ACER3: variants seen among roughly 807,000 people sequenced by gnomAD.
ACER3 encodes the protein alkaline ceramidase 3.
ACER3 carries 16 observed loss-of-function variants against 48.9 expected under a neutral mutation model. The observed-to-expected ratio is 0.33, with a 90% CI of 0.22 to 0.50. The LOEUF is 0.50. ACER3 is among the 20% of genes least tolerant of loss of function. The pLI is 0.98. For missense variants in ACER3, 227 were observed against 326.0 expected, an observed-to-expected ratio of 0.70 and a Z score of 2.34; for synonymous variants, 109 against 107.8, an observed-to-expected ratio of 1.01 and a Z score of -0.07.
At chr11:76,988,783 A>T (rs1356583150) in intron 5 of ACER3, among the ~76,000 whole-genome samples, 1 of 152,346 alleles carries the variant, frequency 6.6e-6, no homozygotes, top group East Asian at 1.9e-4. Context: ...AAGAGAATCA[A>T]GTCTAGAGAT....
At chr11:76,924,110 G>A (rs995449839) in intron 1 of ACER3, among the ~76,000 whole-genome samples, 2 of 151,982 alleles carry the variant, frequency 1.3e-5, no homozygotes, top group African/African-American at 4.8e-5. Context: ...CTTATGCTGT[G>A]GCTTGAGTAC....
intron 7 of ACER3, among the ~76,000 whole-genome samples, chr11:77,008,928 T>C (rs1379672742): frequency 6.6e-6 from 1 of 152,090 alleles, no homozygotes; most frequent in African/African-American, 2.4e-5. Flanking sequence ...GGTGTGGTGA[T>C]GCATGCCTAT....
intron 7 of ACER3, among the ~76,000 whole-genome samples, chr11:77,010,994 T>C (rs1435021188): frequency 1.3e-5 from 2 of 152,116 alleles, no homozygotes; most frequent in African/African-American, 4.8e-5. Flanking sequence ...TTCGCCAAAA[T>C]GAGAGTACTA....
At chr11:76,935,803 G>A (rs914242084) in intron 2 of ACER3, among the ~76,000 whole-genome samples, 3 of 152,148 alleles carry the variant, frequency 2.0e-5, no homozygotes, top group African/African-American at 4.8e-5. Context: ...TAAATAAAAT[G>A]TAAAATTCAG....
chr11:76,934,564 A>T (rs571401191), intron 2 of ACER3, among the ~76,000 whole-genome samples: 108 of 152,390 alleles, frequency 7.1e-4, no homozygotes, highest in African/African-American at 2.4e-3. Flanking sequence ...GTGCGCCTGC[A>T]ATCGCAGGCA....
intron 1 of ACER3, among the ~76,000 whole-genome samples, chr11:76,911,514 T>C (rs759542132): frequency 5.9e-5 from 9 of 152,210 alleles, no homozygotes; most frequent in Non-Finnish European, 1.2e-4. Context: ...ACCTCCTGTC[T>C]TGTTCCGTGA....
intron 7 of ACER3, among the ~76,000 whole-genome samples, chr11:76,999,951 T>G (rs1441634165): frequency 1.3e-5 from 2 of 152,180 alleles, no homozygotes; most frequent in Admixed American, 6.5e-5. Context: ...AACACAAGTT[T>G]TCACTTCTCC....
intron 8 of ACER3, among the ~76,000 whole-genome samples, chr11:77,015,472 T>C (rs10793230): frequency 0.71 from 108,376 of 152,062 alleles, 39,006 homozygotes; most frequent in Non-Finnish European, 0.77. Context: ...TGTATATAAA[T>C]ATACACTTTC....
chr11:76,886,077 T>C (rs1945664075), intron 1 of ACER3, among the ~76,000 whole-genome samples: 1 of 152,210 alleles, frequency 6.6e-6, no homozygotes. Context: ...AACTAGGTAA[T>C]ATAATAGAGA....
chr11:77,020,675 G>T lies in ACER3; in HGVS notation c.*348G>T, dbSNP rs1372074265. 7 of 209,700 alleles carry T rather than the reference G, an allele frequency of 3.3e-5. No individual in the cohort carries two copies. The East Asian group carries it at 8.9e-4, about 27-fold the overall frequency. The allele number at this position is 209,700 out of a possible 1,614,324, so 13.0% of individuals were successfully genotyped here. A position where few individuals can be genotyped will look rare whatever the true frequency, so the allele number is the denominator to read the frequency against. ...TTAACCTTCTTTTCTTTTTGCCAAGGGTTGCATGTGAATTATACCTTTCTT... is the reference window on the plus strand; with the variant it reads ...TTAACCTTCTTTTCTTTTTGCCAAGTGTTGCATGTGAATTATACCTTTCTT... On this transcript the variant is annotated 3_prime_UTR_variant, in exon 11 of 11. Coordinates refer to ENST00000532485, the MANE Select transcript of ACER3 (RefSeq NM_018367.7).
intron 3 of ACER3, among the ~76,000 whole-genome samples, chr11:76,965,382 CT>C (rs1287683420): frequency 1.3e-5 from 2 of 151,408 alleles, no homozygotes; most frequent in South Asian, 2.1e-4. Flanking sequence ...GGAAAACACT[CT>C]GCAGGATATT....
chr11:76,928,061 G>T (rs1299066233), intron 2 of ACER3, among the ~76,000 whole-genome samples: 1 of 152,096 alleles, frequency 6.6e-6, no homozygotes, highest in Non-Finnish European at 1.5e-5. Flanking sequence ...GGTTGAACTA[G>T]TTTACAGTCC....
intron 4 of ACER3, among the ~76,000 whole-genome samples, chr11:76,976,647 A>G (rs1182307600): frequency 6.6e-6 from 1 of 152,218 alleles, no homozygotes. Context: ...ATTGTGCCAT[A>G]AAAGTTTTCA....
intron 7 of ACER3, among the ~76,000 whole-genome samples, chr11:77,010,267 G>T (rs1217981615): frequency 2.6e-5 from 4 of 151,718 alleles, no homozygotes; most frequent in African/African-American, 4.8e-5. Context: ...AGGATTACTT[G>T]AGCCCTGGAG....
chr11:76,869,119 TGG>T (rs1945176152), intron 1 of ACER3, among the ~76,000 whole-genome samples: 1 of 152,238 alleles, frequency 6.6e-6, no homozygotes, highest in Non-Finnish European at 1.5e-5. Flanking sequence ...GGGGCAGTTC[TGG>T]GGACTGAGCC....
intron 3 of ACER3, among the ~76,000 whole-genome samples, chr11:76,961,063 T>G (rs1331442161): frequency 6.6e-6 from 1 of 151,914 alleles, no homozygotes; most frequent in African/African-American, 2.4e-5. Context: ...CAGCACCAAG[T>G]GTTGGAGCCT....
Position 76,893,639 on chromosome 11 carries a change from C to T in ACER3, c.103+32560C>T, listed in dbSNP as rs140644504. 7.2e-5 allele frequency among the ~76,000 whole-genome samples: 11 copies of T among 152,000 alleles called. No individual in the cohort carries two copies. The South Asian group carries it at 8.3e-4, about 11-fold the overall frequency. On this transcript the variant is annotated intron_variant, in intron 1 of 10. Coordinates refer to ENST00000532485, the MANE Select transcript of ACER3 (RefSeq NM_018367.7). ...TTTGAGACCAGCCTGGGCAACATAG[C>T]GAGATCCTATCTCAAAAAACAGAGA...
chr11:76,910,744 T>C (rs1946357442), intron 1 of ACER3, among the ~76,000 whole-genome samples: 1 of 152,214 alleles, frequency 6.6e-6, no homozygotes, highest in African/African-American at 2.4e-5. Context: ...TTGTTCAATG[T>C]TACTGAAGTT....
intron 3 of ACER3, among the ~76,000 whole-genome samples, chr11:76,972,711 A>C (rs1948336791): frequency 6.6e-6 from 1 of 152,194 alleles, no homozygotes; most frequent in African/African-American, 2.4e-5. Flanking sequence ...AGGAGCCCCC[A>C]ACTGGGCATT....
Sources: gnomAD v4.1 joint callset for allele counts (sites outside exome capture counted in the v4.1 genomes callset) on GRCh38, gnomAD v4.1.1 for gene constraint, MANE v1.5 for transcripts, NCBI Gene and HGNC (gene_info 2026-07-23, HGNC 2026-07-21) for gene names.